Variants in ZNF277 observed in about 807,000 individuals in gnomAD.
ZNF277 encodes the protein nuclear receptor-interacting factor 4.
Under a neutral mutation model 60.7 loss-of-function variants are expected in ZNF277, and 55 were observed. The ratio of observed to expected loss-of-function variants is 0.91; its 90% CI spans 0.73 to 1.13. ZNF277 has a LOEUF of 1.13. ZNF277 is among the 50% of genes most tolerant of loss of function. The pLI is 0.00. For synonymous variants in ZNF277, 178 were observed against 179.3 expected (o/e 0.99, Z 0.06); for missense variants, 510 against 523.0 (o/e 0.98, Z 0.24).
chr7:112,307,395 A>G (rs1266070311), intron 4 of ZNF277, among the ~76,000 whole-genome samples: 1 of 151,912 alleles, frequency 6.6e-6, no homozygotes, highest in African/African-American at 2.4e-5. Flanking sequence ...CTTTGGACTC[A>G]AAATAAGTTA....
chr7:112,257,542 A>T (rs1791345101), intron 1 of ZNF277, among the ~76,000 whole-genome samples: 1 of 152,216 alleles, frequency 6.6e-6, no homozygotes, highest in African/African-American at 2.4e-5. Flanking sequence ...GATAATGTCT[A>T]AAAACAACAG....
At chr7:112,216,199 C>A (rs184217360) in intron 1 of ZNF277, among the ~76,000 whole-genome samples, 5 of 152,288 alleles carry the variant, frequency 3.3e-5, no homozygotes, top group Non-Finnish European at 7.3e-5. Context: ...TAATGTACTG[C>A]GACATTGAGT....
intron 1 of ZNF277, among the ~76,000 whole-genome samples, chr7:112,243,493 A>T (rs1791007514): frequency 6.6e-6 from 1 of 151,712 alleles, no homozygotes; most frequent in Non-Finnish European, 1.5e-5. Flanking sequence ...GAAAAAAAAA[A>T]AACAACCCCA....
chr7:112,224,391 G>A (rs913524717), intron 1 of ZNF277, among the ~76,000 whole-genome samples: 6 of 152,214 alleles, frequency 3.9e-5, no homozygotes, highest in African/African-American at 1.4e-4. Context: ...TGTGGCCCAC[G>A]GGCCAGGGAT....
intron 1 of ZNF277, among the ~76,000 whole-genome samples, chr7:112,246,453 A>G (rs1442479471): frequency 1.3e-5 from 2 of 152,162 alleles, no homozygotes; most frequent in African/African-American, 2.4e-5. Flanking sequence ...TTTGTCCACA[A>G]AGAGCTTAAT....
intron 4 of ZNF277, among the ~76,000 whole-genome samples, chr7:112,307,287 C>G (rs1563223024): frequency 6.6e-6 from 1 of 152,092 alleles, no homozygotes; most frequent in Non-Finnish European, 1.5e-5. Flanking sequence ...TGTCTTCCTG[C>G]TTGCCTTTTC....
At chr7:112,317,643 A>C (rs750999248) in intron 4 of ZNF277, among the ~76,000 whole-genome samples, 1 of 152,152 alleles carries the variant, frequency 6.6e-6, no homozygotes. Context: ...ATATTAAGAA[A>C]AATTCTAGCA....
chr7:112,309,604 T>C (rs1190484197), intron 4 of ZNF277, among the ~76,000 whole-genome samples: 1 of 151,870 alleles, frequency 6.6e-6, no homozygotes, highest in East Asian at 2.0e-4. Flanking sequence ...CCTAAGTATA[T>C]TGTCCATGAT....
intron 9 of ZNF277, among the ~76,000 whole-genome samples, chr7:112,339,314 T>A (rs1429804390): frequency 6.6e-6 from 1 of 152,182 alleles, no homozygotes; most frequent in African/African-American, 2.4e-5. Flanking sequence ...CTATGAGCAA[T>A]TATAATGTTG....
At chr7:112,297,719 A>C (rs1792386801) in intron 4 of ZNF277, among the ~76,000 whole-genome samples, 1 of 152,192 alleles carries the variant, frequency 6.6e-6, no homozygotes, top group Non-Finnish European at 1.5e-5. Context: ...ATCATGTCTT[A>C]TGGATGTTAT....
At chr7:112,206,918 G>A in intron 1 of ZNF277, 111 bp downstream of exon 1, 1 of 1,037,200 alleles carries the variant, frequency 9.6e-7, no homozygotes, top group South Asian at 1.6e-5. Context: ...GGGGCCACCT[G>A]GGTTCGACTG....
At chr7:112,237,537 C>T (rs1182665936) in intron 1 of ZNF277, among the ~76,000 whole-genome samples, 1 of 151,888 alleles carries the variant, frequency 6.6e-6, no homozygotes, top group Admixed American at 6.6e-5. Flanking sequence ...CAGCTGATAC[C>T]ACAGAAATAC....
chr7:112,290,480 T>C (rs897794003), intron 2 of ZNF277, among the ~76,000 whole-genome samples: 2 of 152,192 alleles, frequency 1.3e-5, no homozygotes, highest in Non-Finnish European at 2.9e-5. Context: ...AATGCAGATA[T>C]ACAATAAAAT....
At chr7:112,338,636 A>G (rs1455104535) in intron 9 of ZNF277, among the ~76,000 whole-genome samples, 2 of 152,018 alleles carry the variant, frequency 1.3e-5, no homozygotes, top group East Asian at 3.8e-4. Flanking sequence ...GTTTAGTAAA[A>G]TAAGGGCCTA....
intron 1 of ZNF277, among the ~76,000 whole-genome samples, chr7:112,260,415 T>C (rs1791416614): frequency 6.6e-6 from 1 of 152,240 alleles, no homozygotes; most frequent in Admixed American, 6.5e-5. Context: ...ATGAGTATCA[T>C]ATTATAAATA....
At chr7:112,210,412 A>G (rs2116944519) in intron 1 of ZNF277, among the ~76,000 whole-genome samples, 1 of 151,024 alleles carries the variant, frequency 6.6e-6, no homozygotes, top group African/African-American at 2.4e-5. Context: ...TTCTCCAAGA[A>G]AGTCCCCACA....
At chr7:112,304,636 C>A (rs192360833) in intron 4 of ZNF277, among the ~76,000 whole-genome samples, 1 of 152,154 alleles carries the variant, frequency 6.6e-6, no homozygotes, top group Admixed American at 6.5e-5. Context: ...TTGAAAGTTA[C>A]ATCAGATAGA....
chr7:112,230,408 A>C (rs1254206429), intron 1 of ZNF277, among the ~76,000 whole-genome samples: 1 of 152,204 alleles, frequency 6.6e-6, no homozygotes, highest in Non-Finnish European at 1.5e-5. Flanking sequence ...CTTTATGTTA[A>C]AGGAAAAAGC....
intron 4 of ZNF277, among the ~76,000 whole-genome samples, chr7:112,315,033 A>T (rs1792813806): frequency 6.6e-6 from 1 of 152,118 alleles, no homozygotes; most frequent in Non-Finnish European, 1.5e-5. Context: ...GGCATGCATC[A>T]GATAAACATA....
Sources: gnomAD v4.1 joint callset for allele counts (sites outside exome capture counted in the v4.1 genomes callset) on GRCh38, gnomAD v4.1.1 for gene constraint, MANE v1.5 for transcripts, NCBI Gene and HGNC (gene_info 2026-07-23, HGNC 2026-07-21) for gene names.